Variants in FGF14 observed in about 807,000 individuals in gnomAD.
FGF14 encodes the protein fibroblast growth factor 14.
Under a neutral mutation model 25.5 loss-of-function variants are expected in FGF14, and 5 were observed. That is an observed-to-expected ratio of 0.20 (90% CI 0.10 to 0.41). The LOEUF is 0.41. Among genes scored for constraint, FGF14 ranks in the 10% least tolerant of loss-of-function variants. The probability of loss-of-function intolerance (pLI) is 1.00; values close to 1 mark genes in which losing one functional copy is unlikely to be tolerated. For synonymous variants in FGF14, 138 were observed against 118.3 expected, an observed-to-expected ratio of 1.17 and a Z score of -1.08; for missense variants, 222 against 320.1, an observed-to-expected ratio of 0.69 and a Z score of 2.34.
chr13:102,351,031 C>G (rs2057263792), intron 1 of FGF14, among the ~76,000 whole-genome samples: 1 of 152,126 alleles, frequency 6.6e-6, no homozygotes, highest in South Asian at 2.1e-4. Context: ...GTACTCCCTT[C>G]TGCTTCTCAC....
At chr13:101,786,897 A>G (rs759184623) in intron 3 of FGF14, among the ~76,000 whole-genome samples, 1 of 152,176 alleles carries the variant, frequency 6.6e-6, no homozygotes, top group Non-Finnish European at 1.5e-5. Flanking sequence ...GAAACTTGAA[A>G]AGAACCAACT....
At chr13:102,062,797 G>A (rs2042745498) in intron 1 of FGF14, among the ~76,000 whole-genome samples, 1 of 152,070 alleles carries the variant, frequency 6.6e-6, no homozygotes, top group Admixed American at 6.5e-5. Flanking sequence ...TACTCTCAAT[G>A]ATAAGAAAAA....
At chr13:101,807,267 T>A (rs1253505098) in intron 3 of FGF14, among the ~76,000 whole-genome samples, 1 of 151,986 alleles carries the variant, frequency 6.6e-6, no homozygotes, top group Non-Finnish European at 1.5e-5. Flanking sequence ...AGAATTAGAG[T>A]TGCATCAGTA....
At chr13:102,203,219 T>G (rs1232010336) in intron 1 of FGF14, among the ~76,000 whole-genome samples, 1 of 152,226 alleles carries the variant, frequency 6.6e-6, no homozygotes, top group Non-Finnish European at 1.5e-5. Context: ...ATAAATTAGT[T>G]TGCATCTCCC....
intron 1 of FGF14, among the ~76,000 whole-genome samples, chr13:102,274,007 A>C (rs530559819): frequency 6.6e-6 from 1 of 151,630 alleles, no homozygotes; most frequent in Non-Finnish European, 1.5e-5. Context: ...AGAGAAAGGG[A>C]AGGAAGGGAA....
intron 1 of FGF14, among the ~76,000 whole-genome samples, chr13:102,313,793 T>A (rs756415158): frequency 7.2e-5 from 11 of 152,186 alleles, no homozygotes; most frequent in Non-Finnish European, 1.5e-4. Flanking sequence ...CATTCAGGCA[T>A]CAACCCTCAT....
intron 1 of FGF14, among the ~76,000 whole-genome samples, chr13:102,132,718 A>G (rs551015265): frequency 2.0e-4 from 31 of 152,154 alleles, no homozygotes; most frequent in African/African-American, 7.5e-4. Context: ...ACAAGGTTTC[A>G]CCATGTTGGC....
At chr13:102,361,730 G>C (rs1161684784) in intron 1 of FGF14, among the ~76,000 whole-genome samples, 2 of 152,090 alleles carry the variant, frequency 1.3e-5, no homozygotes, top group African/African-American at 2.4e-5. Context: ...TTGAATTCTA[G>C]ACCCTTAAAA....
chr13:101,797,772 T>TGTGTGTGCGC (rs1555384575), intron 3 of FGF14, among the ~76,000 whole-genome samples: 20 of 145,668 alleles, frequency 1.4e-4, no homozygotes, highest in South Asian at 8.9e-4. Flanking sequence ...TGTGTGTGTG[T>TGTGTGTGCGC]GTGTGTGTGT....
At chr13:101,783,634 T>C (rs2039644968) in intron 3 of FGF14, among the ~76,000 whole-genome samples, 1 of 152,226 alleles carries the variant, frequency 6.6e-6, no homozygotes, top group Admixed American at 6.5e-5. Flanking sequence ...GCCTGTTTAC[T>C]CTGTTAATAG....
In FGF14 at chr13:102,019,896, T is replaced by C. The variant is rs529784727; in HGVS notation, c.209-144600A>G. ...ATTCTATTCAACGCAGGTGTGAACA[T>C]TATGGATGCCTTTCATAGGAGATAA... On this transcript the variant is annotated intron_variant, in intron 1 of 4. Transcript: ENST00000376131. Among the ~76,000 whole-genome samples the C allele has an allele frequency of 1.1e-4, 17 of 152,246 alleles. No homozygotes were observed. The South Asian group carries it at 3.1e-3, about 28-fold the overall frequency.
chr13:102,389,007 A>G (rs573841477), intron 1 of FGF14, among the ~76,000 whole-genome samples: 1 of 152,292 alleles, frequency 6.6e-6, no homozygotes, highest in South Asian at 2.1e-4. Flanking sequence ...TTTGACTTTC[A>G]TTCACATTAC....
intron 1 of FGF14, among the ~76,000 whole-genome samples, chr13:102,041,583 T>TAA (rs11430268): frequency 0.038 from 5,440 of 141,920 alleles, 315 homozygotes; most frequent in African/African-American, 0.12. Flanking sequence ...TGTTTCCATG[T>TAA]AAAAAAAAAA....
chr13:102,255,940 A>G (rs2052415291), intron 1 of FGF14, among the ~76,000 whole-genome samples: 1 of 152,162 alleles, frequency 6.6e-6, no homozygotes, highest in African/African-American at 2.4e-5. Context: ...GGCATGCTTG[A>G]TGGTGGGACT....
intron 1 of FGF14, among the ~76,000 whole-genome samples, chr13:101,963,325 T>G (rs2036983043): frequency 6.6e-6 from 1 of 152,206 alleles, no homozygotes; most frequent in South Asian, 2.1e-4. Flanking sequence ...TTTGTTCAAA[T>G]TTCAGTTGTT....
intron 1 of FGF14, among the ~76,000 whole-genome samples, chr13:102,128,711 A>T (rs1383323900): frequency 6.6e-6 from 1 of 152,180 alleles, no homozygotes; most frequent in Non-Finnish European, 1.5e-5. Context: ...TCTGAAGAGA[A>T]GTGATTTATG....
At chr13:102,205,490 T>C (rs1594401753) in intron 1 of FGF14, among the ~76,000 whole-genome samples, 1 of 152,098 alleles carries the variant, frequency 6.6e-6, no homozygotes, top group South Asian at 2.1e-4. Context: ...ATTACACATG[T>C]CATAGATATT....
At chr13:102,149,524 A>G (rs1365134555) in intron 1 of FGF14, among the ~76,000 whole-genome samples, 2 of 152,246 alleles carry the variant, frequency 1.3e-5, no homozygotes, top group Non-Finnish European at 2.9e-5. Context: ...TGATATACAC[A>G]GAGTACACCT....
intron 1 of FGF14, among the ~76,000 whole-genome samples, chr13:101,999,876 G>A (rs929697568): frequency 6.6e-6 from 1 of 152,054 alleles, no homozygotes; most frequent in African/African-American, 2.4e-5. Flanking sequence ...CTGCCACTAA[G>A]GATCCACTCA....
Sources: gnomAD v4.1 joint callset for allele counts (sites outside exome capture counted in the v4.1 genomes callset) on GRCh38, gnomAD v4.1.1 for gene constraint, MANE v1.5 for transcripts, NCBI Gene and HGNC (gene_info 2026-07-23, HGNC 2026-07-21) for gene names.